The following CYP51A1 variants were observed in gnomAD, a reference collection of about 807,000 sequenced individuals.
The protein encoded by CYP51A1 is lanosterol 14-alpha demethylase.
CYP51A1 carries 45 observed loss-of-function variants against 53.5 expected under a neutral mutation model. That is an observed-to-expected ratio of 0.84 (90% CI 0.66 to 1.08). CYP51A1 has a LOEUF of 1.08. Among genes scored for constraint, CYP51A1 ranks in the 50% least tolerant of loss-of-function variants. The pLI is 0.00. For missense variants in CYP51A1, 462 were observed against 621.7 expected (o/e 0.74, Z 2.73); for synonymous variants, 181 against 217.7 (o/e 0.83, Z 1.48).
intron 8 of CYP51A1, 136 bp from the exon 9 acceptor site, chr7:92,117,348 TA>T: frequency 1.6e-6 from 1 of 639,958 alleles, no homozygotes; most frequent in East Asian, 3.0e-5. Context: ...TACATCCTGA[TA>T]AATCCATCAT....
rs541254407 is a variant in CYP51A1, at chr7:92,126,398, T to C, written c.625A>G (p.Ile209Val). Residue 209 changes from isoleucine to valine, a missense_variant, in exon 5 of 10, where the codon ATT (isoleucine) becomes GTT (valine). Physicochemically the swap from Ile to Val is conservative, Grantham distance 29 (BLOSUM62 3). Coordinates refer to ENST00000003100, the MANE Select transcript of CYP51A1 (RefSeq NM_000786.4). ...TGCAAACAATGGCTAGCTGTTAAAATTATGAGCTCAGAAAGAGCTTCAAAC... is the reference window on the plus strand; with the variant it reads ...TGCAAACAATGGCTAGCTGTTAAAACTATGAGCTCAGAAAGAGCTTCAAAC... Reference protein sequence around the residue: ...NVFEALSELIILTASHCLHGK... With the variant: ...NVFEALSELIVLTASHCLHGK... 1.9e-6 allele frequency: 3 copies of C among 1,613,616 alleles called. No individual in the cohort carries two copies. The highest frequency in any genetic ancestry group is 1.3e-5 in the African/African-American group (1 of 75,012).
intron 9 of CYP51A1, among the ~76,000 whole-genome samples, chr7:92,115,960 T>G (rs1819572485): frequency 1.3e-5 from 2 of 152,236 alleles, no homozygotes; most frequent in African/African-American, 4.8e-5. Flanking sequence ...GAACTAATGC[T>G]CTTCCCATCT....
intron 1 of CYP51A1, among the ~76,000 whole-genome samples, chr7:92,133,273 G>C (rs77872737): frequency 2.2e-5 from 2 of 90,768 alleles, no homozygotes; most frequent in African/African-American, 9.7e-5. Flanking sequence ...TTTTTTTTTT[G>C]AGACGGAGTC....
intron 9 of CYP51A1, among the ~76,000 whole-genome samples, chr7:92,116,788 T>C (rs1478686788): frequency 6.6e-6 from 1 of 152,214 alleles, no homozygotes; most frequent in Non-Finnish European, 1.5e-5. Flanking sequence ...AAGGATGTTC[T>C]ATAAAAATTA....
Position 92,117,039 on chromosome 7 carries a change from C to G in CYP51A1, c.1351+5G>C. On this transcript the variant is annotated splice_donor_5th_base_variant and intron_variant, in intron 9 of 9. Transcript: ENST00000003100. ...CATTTCCAATCTAAAATATAATCAT[C>G]TTACCAGCTCCAAATGGCACATAGG... 6.2e-7 allele frequency: 1 copy of G among 1,605,788 alleles called. No individual in the cohort carries two copies. Among genetic ancestry groups the G allele is most frequent in the East Asian group, 2.2e-5 (1 of 44,666 alleles).
rs755694531 is a variant in CYP51A1 at position 92,113,647 on chromosome 7, C to A, written c.*18G>T. The A allele has an allele frequency of 5.6e-6, 9 of 1,609,036 alleles. No homozygotes were observed. In the South Asian group the frequency reaches 8.8e-5, roughly 16 times the overall value. ...GCTTACAGTGATAATCACATATATT[C>A]GTTCCTTGCAACCTTTTTCATTTTG... is the stretch of plus-strand genomic sequence containing the variant. On this transcript the variant is annotated 3_prime_UTR_variant, in exon 10 of 10. Coordinates refer to ENST00000003100, the MANE Select transcript of CYP51A1 (RefSeq NM_000786.4).
chr7:92,124,265 C>T (rs10488512), intron 5 of CYP51A1, among the ~76,000 whole-genome samples: 62,679 of 151,916 alleles, frequency 0.41, 13,404 homozygotes, highest in African/African-American at 0.51. Context: ...CTGGTTCTTC[C>T]ATGGAATCTG....
At chr7:92,128,785 G>A in intron 3 of CYP51A1, 95 bp downstream of exon 3, 2 of 1,131,272 alleles carry the variant, frequency 1.8e-6, no homozygotes, top group Non-Finnish European at 2.5e-6. Context: ...CACCATGCCT[G>A]GCTGTTTCTA....
chr7:92,128,465 T>TGTGC (rs1563181279), intron 3 of CYP51A1, among the ~76,000 whole-genome samples: 129 of 146,152 alleles, frequency 8.8e-4, no homozygotes, highest in Non-Finnish European at 1.1e-3. Flanking sequence ...TGCGCGTGCG[T>TGTGC]GTGTGTGTGT....
In CYP51A1 at chr7:92,113,623, C is replaced by T. The variant is rs550698093; in HGVS notation, c.*42G>A. ...TCATTCTCTTCGAATGCCTTTGTGG[C>T]TTACAGTGATAATCACATATATTCG... On this transcript the variant is annotated 3_prime_UTR_variant, in exon 10 of 10. Transcript: ENST00000003100. 2.5e-6 allele frequency: 4 copies of T among 1,575,852 alleles called. No homozygotes were observed. In the African/African-American group the frequency reaches 4.1e-5, roughly 16 times the overall value.
chr7:92,133,126 A>C (rs973685739), intron 1 of CYP51A1, among the ~76,000 whole-genome samples: 1 of 152,248 alleles, frequency 6.6e-6, no homozygotes, highest in Non-Finnish European at 1.5e-5. Context: ...CTTGGTCAAA[A>C]GTTTGTACAT....
In CYP51A1 at chr7:92,117,179, G is replaced by C; in HGVS notation, c.1216C>G (p.Gln406Glu). The change falls in exon 9 of 10, where the codon CAG becomes GAG. Residue 406 changes from glutamine (Q) to glutamate (E), a missense_variant. By Grantham distance (29) the Gln-to-Glu change is conservative (BLOSUM62 2). Transcript: ENST00000003100. Reference protein sequence around the residue: ...VAGYTIPPGHQVCVSPTVNQR... With the variant: ...VAGYTIPPGHEVCVSPTVNQR... The stretch of plus-strand genomic sequence containing the variant: ...TTGACAGTGGGAGAAACACACACCT[G>C]ATGTCCTGGAGGAATGGTATACCCT... The C allele has an allele frequency of 2.5e-6, 4 of 1,613,990 alleles. No individual in the cohort carries two copies. Among genetic ancestry groups the C allele is most frequent in the Non-Finnish European group, 3.4e-6 (4 of 1,179,948 alleles).
chr7:92,120,031 A>G (rs1220289784), intron 7 of CYP51A1, among the ~76,000 whole-genome samples: 1 of 152,230 alleles, frequency 6.6e-6, no homozygotes, highest in Non-Finnish European at 1.5e-5. Context: ...ACATCAAAAA[A>G]ATAACAATAA....
intron 5 of CYP51A1, among the ~76,000 whole-genome samples, chr7:92,124,415 T>C (rs182551440): frequency 1.1e-4 from 16 of 152,336 alleles, no homozygotes; most frequent in Admixed American, 6.5e-4. Context: ...TTAAGTGTTT[T>C]ACATGAATTA....
chr7:92,134,579 A>G (rs1563183636), upstream of CYP51A1: 40 of 543,976 alleles, frequency 7.4e-5, no homozygotes, highest in South Asian at 1.0e-3. Context: ...CACTCTGTGA[A>G]GCCGTGGTCT....
At chr7:92,127,709 AATT>A in intron 3 of CYP51A1, 78 bp from the exon 4 acceptor site, 1 of 1,440,394 alleles carries the variant, frequency 6.9e-7, no homozygotes, top group Non-Finnish European at 9.7e-7. Context: ...AGGTTATTAT[AATT>A]ATGTAACACT....
Position 92,118,575 on chromosome 7 carries a change from G to C in CYP51A1, c.1127C>G (p.Thr376Arg). ...LNLLDRCIKE[T>R]LRLRPPIMIM... ...CATTATAGGAGGTCTAAGTCTTAAT[G>C]TTTCTTTTATACAGCGATCAAGTAA... Residue 376 changes from threonine to arginine, a missense_variant, in exon 8 of 10, where the codon ACA becomes AGA. Transcript: ENST00000003100. The C allele has an allele frequency of 6.3e-7, 1 of 1,597,198 alleles. No homozygotes were observed. Among genetic ancestry groups the C allele is most frequent in the Non-Finnish European group, 8.6e-7 (1 of 1,165,020 alleles).
intron 6 of CYP51A1, 132 bp downstream of exon 6, chr7:92,123,602 A>G (rs561213463): frequency 6.4e-5 from 55 of 857,232 alleles, no homozygotes; most frequent in East Asian, 1.0e-4. Flanking sequence ...TCAACAATTT[A>G]AAGAGTCCAA....
At chr7:92,133,837 C>T (rs1400998806) in intron 1 of CYP51A1, among the ~76,000 whole-genome samples, 1 of 152,212 alleles carries the variant, frequency 6.6e-6, no homozygotes, top group Non-Finnish European at 1.5e-5. Context: ...CCACTAGGGG[C>T]ACCACTGCTG....
Sources: allele counts gnomAD v4.1 joint callset (sites outside exome capture counted in the v4.1 genomes callset), GRCh38; gene constraint gnomAD v4.1.1; transcripts MANE v1.5; gene names NCBI Gene and HGNC (gene_info 2026-07-23, HGNC 2026-07-21).